Variants in TLN2 observed in about 807,000 individuals in gnomAD.
The protein encoded by TLN2 is talin 2, also known as talin-2.
A neutral mutation model predicts 294.7 loss-of-function variants in TLN2; 118 were observed. The observed-to-expected ratio is 0.40, with a 90% confidence interval of 0.34 to 0.47. The LOEUF (loss-of-function observed/expected upper bound fraction) is 0.47, where lower values mean the gene tolerates loss of function less well. Among genes scored for constraint, TLN2 ranks in the 20% least tolerant of loss-of-function variants. The probability of loss-of-function intolerance (pLI) is 0.84; values close to 1 mark genes in which losing one functional copy is unlikely to be tolerated. For synonymous variants in TLN2, 1,431 were observed against 1,304.5 expected (o/e 1.10, Z -2.09); for missense variants, 3,083 against 3,282.2 (o/e 0.94, Z 1.48).
chr15:62,636,089 A>G (rs2140900956), intron 3 of TLN2, among the ~76,000 whole-genome samples: 1 of 152,290 alleles, frequency 6.6e-6, no homozygotes, highest in South Asian at 2.1e-4. Flanking sequence ...AATCACTTAC[A>G]TGTGTTAGCT....
At chr15:62,657,153 T>TA (rs1555459306) in intron 8 of TLN2, among the ~76,000 whole-genome samples, 16 of 139,394 alleles carry the variant, frequency 1.1e-4, no homozygotes, top group Non-Finnish European at 1.5e-4. Context: ...GCTGAAAAGG[T>TA]GGGGGGGGGA....
At position 62,485,962 on chromosome 15, in the gene TLN2, G is replaced by C. The variant is rs116433221; in HGVS notation, c.-238+95277G>C. Among the ~76,000 whole-genome samples, 1,277 of 151,894 alleles carry C rather than the reference G, an allele frequency of 8.4e-3. 18 individuals carry two copies. The highest frequency in any genetic ancestry group is 0.029 in the African/African-American group (1,217 of 41,512). ...ACACTTGGTGCAAATCGAGTGTTTT[G>C]AGCGTGTTGTTTTAAAAGACTTTAA... On this transcript the variant is annotated intron_variant, in intron 1 of 58. Coordinates refer to ENST00000636159, the MANE Select transcript of TLN2 (RefSeq NM_015059.3).
rs933394851 is a variant in TLN2, at chr15:62,634,484, A to G, written c.-36-12791A>G. ...GTATCTTAAAACAATCCTTTAAAAC[A>G]CTGTCCTCAACTGTGCTGTAGAGAA... On this transcript the variant is annotated intron_variant, in intron 3 of 58. Coordinates refer to ENST00000636159, the MANE Select transcript of TLN2 (RefSeq NM_015059.3). Among the ~76,000 whole-genome samples the G allele has an allele frequency of 3.9e-5, 6 of 152,242 alleles. No homozygotes were observed. The East Asian group carries it at 1.2e-3, about 29-fold the overall frequency.
At chr15:62,794,675 C>G (rs1249147917) in intron 46 of TLN2, among the ~76,000 whole-genome samples, 2 of 152,130 alleles carry the variant, frequency 1.3e-5, no homozygotes, top group Non-Finnish European at 2.9e-5. Context: ...GAAAGAAAGG[C>G]AGATGAGGAA....
chr15:62,797,348 A>G lies in TLN2; in HGVS notation c.6180A>G (p.Ala2060=). 1 of 1,613,280 alleles carries G rather than the reference A, an allele frequency of 6.2e-7. No homozygotes were observed. Among genetic ancestry groups the G allele is most frequent in the Non-Finnish European group, 8.5e-7 (1 of 1,179,914 alleles). ...QSSAATITQL[A]EVVKLGAASL... ...CAGCAGCCACCATCACCCAGCTCGCAGAAGTGGTCAAGCTGGGGGCAGCCA... is the reference window on the plus strand; with the variant it reads ...CAGCAGCCACCATCACCCAGCTCGCGGAAGTGGTCAAGCTGGGGGCAGCCA... The change falls in exon 48 of 59, where the codon GCA becomes GCG. Residue 2060 remains alanine (A), a synonymous_variant. Coordinates refer to ENST00000636159, the MANE Select transcript of TLN2 (RefSeq NM_015059.3).
intron 1 of TLN2, among the ~76,000 whole-genome samples, chr15:62,494,412 G>A (rs1400811241): frequency 1.3e-5 from 2 of 152,030 alleles, no homozygotes; most frequent in Non-Finnish European, 2.9e-5. Context: ...TTCTCCTCCA[G>A]GCAGATATCT....
rs781297837 is a variant in TLN2, at chr15:62,482,602, C to CAAAA, written c.-238+91937_-238+91940dup. On this transcript the variant is annotated intron_variant, in intron 1 of 58. Coordinates refer to ENST00000636159, the MANE Select transcript of TLN2 (RefSeq NM_015059.3). ...GGACAACAAGAGTAAAACGTTGTCT[C>CAAAA]AAAAAAAAAAAAAAAAAAAAAAAGA... Among the ~76,000 whole-genome samples, 468 of 75,560 alleles carry CAAAA rather than the reference C, an allele frequency of 6.2e-3. 11 individuals carry two copies. The highest frequency in any genetic ancestry group is 0.019 in the African/African-American group (393 of 21,112). 49.6% of individuals were successfully genotyped at this position (75,560 alleles called of 152,430 possible). A position where few individuals can be genotyped will look rare whatever the true frequency, so the allele number is the denominator to read the frequency against.
intron 1 of TLN2, among the ~76,000 whole-genome samples, chr15:62,467,002 G>A (rs2037170958): frequency 6.6e-6 from 1 of 152,224 alleles, no homozygotes; most frequent in Non-Finnish European, 1.5e-5. Flanking sequence ...TCCGTTTTGT[G>A]AGCCTTGCCT....
chr15:62,792,525 T>A, intron 45 of TLN2, 116 bp from the exon 46 acceptor site: 1 of 1,381,920 alleles, frequency 7.2e-7, no homozygotes, highest in Non-Finnish European at 9.7e-7. Context: ...CTAATAGGAG[T>A]GGAATTTTCC....
intron 44 of TLN2, 89 bp downstream of exon 44, chr15:62,781,330 G>C (rs2064148020): frequency 9.8e-7 from 1 of 1,015,976 alleles, no homozygotes; most frequent in African/African-American, 1.6e-5. Flanking sequence ...ATCTGTGTCA[G>C]AGAGAGAGCC....
rs1314989544 is a variant in TLN2, at chr15:62,750,422, C to A, written c.4140C>A (p.Asp1380Glu). 3 of 1,613,976 alleles carry A rather than the reference C, an allele frequency of 1.9e-6. No individual in the cohort carries two copies. Among genetic ancestry groups the A allele is most frequent in the Non-Finnish European group, 2.5e-6 (3 of 1,179,968 alleles). ...RELETVKGML[D>E]NPNEPVSDLS... ...TGTAGACTGTGAAGGGGATGTTGGA[C>A]AATCCTAATGAACCTGTTAGTGACC... is the stretch of plus-strand genomic sequence containing the variant. Residue 1380 changes from aspartate to glutamate, a missense_variant, in exon 34 of 59, where the codon GAC (aspartate) becomes GAA (glutamate). Coordinates refer to ENST00000636159, the MANE Select transcript of TLN2 (RefSeq NM_015059.3).
At chr15:62,639,230 GATCTATATCTAT>G (rs58437592) in intron 3 of TLN2, among the ~76,000 whole-genome samples, 18 of 83,532 alleles carry the variant, frequency 2.2e-4, no homozygotes, top group African/African-American at 7.4e-4. Flanking sequence ...CTAGGTTATA[GATCTATATCTAT>G]ATCTATATCT....
intron 3 of TLN2, among the ~76,000 whole-genome samples, chr15:62,641,580 G>A (rs1343249687): frequency 5.3e-5 from 8 of 152,070 alleles, no homozygotes; most frequent in East Asian, 3.9e-4. Context: ...CCGAGATTGC[G>A]CCACTGCATT....
At chr15:62,506,303 A>G (rs1201622940) in intron 1 of TLN2, among the ~76,000 whole-genome samples, 2 of 152,212 alleles carry the variant, frequency 1.3e-5, no homozygotes, top group African/African-American at 2.4e-5. Flanking sequence ...CCCTCTGGGA[A>G]ACTGGACTGG....
intron 37 of TLN2, among the ~76,000 whole-genome samples, chr15:62,759,863 C>T (rs923993772): frequency 2.0e-5 from 3 of 152,184 alleles, no homozygotes; most frequent in Non-Finnish European, 2.9e-5. Context: ...GTGTCAGGCT[C>T]CTGCTGAGTG....
At chr15:62,606,556 C>T (rs971014478) in intron 2 of TLN2, among the ~76,000 whole-genome samples, 1 of 152,186 alleles carries the variant, frequency 6.6e-6, no homozygotes, top group African/African-American at 2.4e-5. Flanking sequence ...CCTGGTCATC[C>T]ATTACTGAAG....
Position 62,697,724 on chromosome 15 carries a change from G to T in TLN2, c.1329G>T (p.Gly443=). ...TILQQQFNRT[G]KAEHGSVALP... ...TGCAGCAGCAGTTCAACCGGACCGGGAAGGCAGAGCACGGCTCAGTGGCGC... is the reference window on the plus strand; with the variant it reads ...TGCAGCAGCAGTTCAACCGGACCGGTAAGGCAGAGCACGGCTCAGTGGCGC... The change falls in exon 15 of 59, where the codon GGG becomes GGT. Residue 443 remains glycine, a synonymous_variant. Transcript: ENST00000636159. 1 of 1,605,600 alleles carries T rather than the reference G, an allele frequency of 6.2e-7. No homozygotes were observed. Among genetic ancestry groups the T allele is most frequent in the African/African-American group, 1.3e-5 (1 of 74,852 alleles).
At chr15:62,463,615 G>A (rs994654710) in intron 1 of TLN2, among the ~76,000 whole-genome samples, 1 of 152,212 alleles carries the variant, frequency 6.6e-6, no homozygotes, top group Admixed American at 6.5e-5. Flanking sequence ...GGCCGGCGCG[G>A]TGCCTCACGC....
intron 1 of TLN2, among the ~76,000 whole-genome samples, chr15:62,588,497 G>C (rs1273833919): frequency 6.6e-6 from 1 of 151,172 alleles, no homozygotes; most frequent in African/African-American, 2.4e-5. Context: ...TTAGCTGGGT[G>C]TGGTGATGGG....
Sources: allele counts gnomAD v4.1 joint callset (sites outside exome capture counted in the v4.1 genomes callset), GRCh38; gene constraint gnomAD v4.1.1; transcripts MANE v1.5; gene names NCBI Gene and HGNC (gene_info 2026-07-23, HGNC 2026-07-21).